Variants in ANKRD36 observed in about 807,000 individuals in gnomAD.
The protein encoded by ANKRD36 is ankyrin repeat domain-containing protein 36A.
Under a neutral mutation model 278.1 loss-of-function variants are expected in ANKRD36, and 179 were observed. That is an observed-to-expected ratio of 0.64 (90% CI 0.57 to 0.73). The LOEUF is 0.73. ANKRD36 is among the 30% of genes least tolerant of loss of function. The pLI is 0.00. For missense variants in ANKRD36, 1,159 were observed against 1,956.7 expected, an observed-to-expected ratio of 0.59 and a Z score of 7.69; for synonymous variants, 320 against 641.1, an observed-to-expected ratio of 0.50 and a Z score of 7.57.
chr2:97,187,095 T>G, intron 30 of ANKRD36, 103 bp from the exon 31 acceptor site: 2 of 1,563,766 alleles, frequency 1.3e-6, no homozygotes, highest in Non-Finnish European at 1.7e-6. Flanking sequence ...AAGCCTACAC[T>G]AATACAGGCA....
At chr2:97,206,534 C>G (rs1421258295) in intron 52 of ANKRD36, among the ~76,000 whole-genome samples, 4 of 151,360 alleles carry the variant, frequency 2.6e-5, no homozygotes, top group African/African-American at 9.7e-5. Flanking sequence ...AACCCGTACA[C>G]TCTGTAGGAG....
intron 6 of ANKRD36, among the ~76,000 whole-genome samples, chr2:97,133,705 A>G (rs563485411): frequency 6.6e-6 from 1 of 152,194 alleles, no homozygotes; most frequent in Non-Finnish European, 1.5e-5. Flanking sequence ...ATATGTTAAT[A>G]TAGCAATATA....
chr2:97,113,384 G>A lies in ANKRD36; in HGVS notation c.-356G>A, dbSNP rs2034103523. The A allele has an allele frequency of 3.2e-6, 1 of 316,650 alleles. No individual in the cohort carries two copies. Among genetic ancestry groups the A allele is most frequent in the African/African-American group, 2.3e-5 (1 of 44,206 alleles). The allele number at this position is 316,650 out of a possible 1,614,324, so 19.6% of individuals were successfully genotyped here. Reference sequence around the variant, plus strand: ...GGACTCCGAGCGTCGGGAGCCTGTGGAAGAGAAGAGCGCGCGGGCGACAGT... The same window carrying A: ...GGACTCCGAGCGTCGGGAGCCTGTGAAAGAGAAGAGCGCGCGGGCGACAGT... On this transcript the variant is annotated 5_prime_UTR_variant, in exon 1 of 76. Transcript: ENST00000420699.
intron 30 of ANKRD36, among the ~76,000 whole-genome samples, chr2:97,185,783 A>G (rs1356663762): frequency 2.0e-5 from 3 of 151,748 alleles, no homozygotes; most frequent in Non-Finnish European, 2.9e-5. Flanking sequence ...GGACAGCATA[A>G]TTTTGCTTTA....
chr2:97,258,674 AT>A (rs1300081064), intron 75 of ANKRD36, among the ~76,000 whole-genome samples: 1 of 95,222 alleles, frequency 1.1e-5, no homozygotes, highest in African/African-American at 3.9e-5. Context: ...TTGCTTTAGC[AT>A]TTTGAATACA....
chr2:97,244,127 C>T lies in ANKRD36; in HGVS notation c.4491+98C>T, dbSNP rs1163270137. 1.1e-5 allele frequency: 16 copies of T among 1,410,198 alleles called. 1 individual carries two copies. The East Asian group carries it at 4.3e-4, about 38-fold the overall frequency. The allele number at this position is 1,410,198 out of a possible 1,614,324, so 87.4% of individuals were successfully genotyped here. A position where few individuals can be genotyped will look rare whatever the true frequency, so the allele number is the denominator to read the frequency against. The stretch of plus-strand genomic sequence containing the variant: ...CGTATATTATTTAGGCCTGAACAAT[C>T]CCCAAATTTTATTTCATCTTAAAAA... On this transcript the variant is annotated intron_variant, in intron 70 of 75. Transcript: ENST00000420699.
At chr2:97,182,140 T>C (rs2056405901) in intron 26 of ANKRD36, among the ~76,000 whole-genome samples, 1 of 151,398 alleles carries the variant, frequency 6.6e-6, no homozygotes, top group African/African-American at 2.4e-5. Context: ...TCACATCGTA[T>C]TGCTAAAAAC....
chr2:97,197,744 G>T lies in ANKRD36; in HGVS notation c.2654-719G>T, dbSNP rs575278022. Among the ~76,000 whole-genome samples, 22 of 152,010 alleles carry T rather than the reference G, an allele frequency of 1.4e-4. No homozygotes were observed. In the East Asian group the frequency reaches 3.5e-3, roughly 24 times the overall value. ...GCTTGTAGCTGTTTTACTTTGTATA[G>T]GTATGTCAAAATTGATAATTGATGA... On this transcript the variant is annotated intron_variant, in intron 42 of 75. Coordinates refer to ENST00000420699, the MANE Select transcript of ANKRD36 (RefSeq NM_001354587.1).
At chr2:97,200,311 T>C (rs1248564327) in intron 44 of ANKRD36, 23 bp from the exon 45 acceptor site, 2 of 1,607,410 alleles carry the variant, frequency 1.2e-6, no homozygotes, top group Non-Finnish European at 8.5e-7. Context: ...TGTGAGTGAT[T>C]ATGTATCCCT....
rs2034145064 is a variant in ANKRD36 at position 97,113,504 on chromosome 2, G to A, written c.-236G>A. Reference sequence around the variant, plus strand: ...CAACCGCCGCCTGCACTGGGCGCGCGAGAGCTGCTAGGGCGGTTTCTCTGC... The same window carrying A: ...CAACCGCCGCCTGCACTGGGCGCGCAAGAGCTGCTAGGGCGGTTTCTCTGC... On this transcript the variant is annotated 5_prime_UTR_variant, in exon 1 of 76. Transcript: ENST00000420699. 4 of 560,380 alleles carry A rather than the reference G, an allele frequency of 7.1e-6. No individual in the cohort carries two copies. The Admixed American group carries it at 1.4e-4, about 19-fold the overall frequency. 34.7% of individuals were successfully genotyped at this position (560,380 alleles called of 1,614,324 possible).
In ANKRD36 at chr2:97,113,269, T is replaced by G. The variant is rs1417356559; in HGVS notation, c.-471T>G. ...AGCGCGGACCCCGGGGGCGACGCAG[T>G]GGCGAAGTGGGGCTGTGGGCCCAGC... On this transcript the variant is annotated 5_prime_UTR_variant, in exon 1 of 76. Coordinates refer to ENST00000420699, the MANE Select transcript of ANKRD36 (RefSeq NM_001354587.1). Among the ~76,000 whole-genome samples, 1 of 152,110 alleles carries G rather than the reference T, an allele frequency of 6.6e-6. No individual in the cohort carries two copies. The highest frequency in any genetic ancestry group is 1.5e-5 in the Non-Finnish European group (1 of 68,002).
chr2:97,140,281 G>A (rs13026122), intron 6 of ANKRD36, among the ~76,000 whole-genome samples: 89,091 of 151,100 alleles, frequency 0.59, 30,473 homozygotes, highest in Non-Finnish European at 0.78. Context: ...TTGAGGAGAG[G>A]CAGTGTCATT....
At chr2:97,213,334 C>A (rs1286301107) in intron 58 of ANKRD36, 85 bp from the exon 59 acceptor site, 1 of 388,674 alleles carries the variant, frequency 2.6e-6, no homozygotes, top group Non-Finnish European at 4.4e-6. Flanking sequence ...CAGGAAGATA[C>A]ATCTTGATGC....
chr2:97,200,310 T>C (rs2060988905), intron 44 of ANKRD36, 24 bp from the exon 45 acceptor site: 1 of 1,607,400 alleles, frequency 6.2e-7, no homozygotes, highest in African/African-American at 1.3e-5. Flanking sequence ...ATGTGAGTGA[T>C]TATGTATCCC....
At position 97,179,736 on chromosome 2, in the gene ANKRD36, A is replaced by G. The variant is rs372128331; in HGVS notation, c.1634-2A>G. 1.1e-3 allele frequency: 1,718 copies of G among 1,593,698 alleles called. 41 individuals carry two copies. In the East Asian group the frequency reaches 0.035, roughly 33 times the overall value. ...TGATTATGTATCCCTTTTGCTTTTC[A>G]GTGTCTTCTCAGAAACAACCAGCTG... On this transcript the variant is annotated splice_acceptor_variant, in intron 22 of 75. Coordinates refer to ENST00000420699, the MANE Select transcript of ANKRD36 (RefSeq NM_001354587.1). LOFTEE classifies it high-confidence loss of function.
intron 20 of ANKRD36, among the ~76,000 whole-genome samples, chr2:97,166,455 G>T (rs1454808676): frequency 6.6e-6 from 1 of 152,204 alleles, no homozygotes. Flanking sequence ...TTACTGGTTT[G>T]ATCACAGGGG....
rs75833559 is a variant in ANKRD36, at chr2:97,185,463, C to G, written c.1994C>G (p.Ala665Gly). The change falls in exon 30 of 76, where the codon GCT becomes GGT. Residue 665 changes from alanine to glycine, a missense_variant. Coordinates refer to ENST00000420699, the MANE Select transcript of ANKRD36 (RefSeq NM_001354587.1). Reference sequence around the variant, plus strand: ...GCTACAAGTGACAAGACAGATTCTGCTTTGAATATAGCTACAGAAATAAAG... The same window carrying G: ...GCTACAAGTGACAAGACAGATTCTGGTTTGAATATAGCTACAGAAATAAAG... Reference protein sequence around the residue: ...SKATSDKTDSALNIATEIKDG... With the variant: ...SKATSDKTDSGLNIATEIKDG... The G allele has an allele frequency of 1.2e-6, 2 of 1,610,890 alleles. No individual in the cohort carries two copies. The highest frequency in any genetic ancestry group is 1.7e-6 in the Non-Finnish European group (2 of 1,178,508).
chr2:97,165,937 A>G (rs1191376580), intron 20 of ANKRD36, among the ~76,000 whole-genome samples: 1 of 152,218 alleles, frequency 6.6e-6, no homozygotes, highest in Non-Finnish European at 1.5e-5. Flanking sequence ...AATGACTGAC[A>G]TTTTCCCAAG....
At chr2:97,139,371 GA>G (rs1187091495) in intron 6 of ANKRD36, among the ~76,000 whole-genome samples, 2 of 151,928 alleles carry the variant, frequency 1.3e-5, no homozygotes, top group Non-Finnish European at 2.9e-5. Context: ...CATATTCCTA[GA>G]TAACATGTAG....
Sources: gnomAD v4.1 joint callset for allele counts (sites outside exome capture counted in the v4.1 genomes callset) on GRCh38, gnomAD v4.1.1 for gene constraint, MANE v1.5 for transcripts, NCBI Gene and HGNC (gene_info 2026-07-23, HGNC 2026-07-21) for gene names.